The following KIF5A variants were observed in gnomAD, a reference collection of about 807,000 sequenced individuals.
The protein encoded by KIF5A is kinesin heavy chain isoform 5A.
A neutral mutation model predicts 141.3 loss-of-function variants in KIF5A; 35 were observed. That is an observed-to-expected ratio of 0.25 (90% confidence interval 0.19 to 0.33). The LOEUF (loss-of-function observed/expected upper bound fraction) is 0.33, where lower values mean the gene tolerates loss of function less well. Among genes scored for constraint, KIF5A ranks in the 10% least tolerant of loss-of-function variants. KIF5A has a pLI of 1.00. For synonymous variants in KIF5A, 448 were observed against 500.2 expected (o/e 0.90, Z 1.39); for missense variants, 861 against 1,314.3 (o/e 0.66, Z 5.33).
At chr12:57,575,501 A>T in intron 16 of KIF5A, 139 bp from the exon 17 acceptor site, 1 of 893,860 alleles carries the variant, frequency 1.1e-6, no homozygotes, top group Non-Finnish European at 1.9e-6. Context: ...GCCCCATAGG[A>T]ATGGCCCCCA....
chr12:57,574,355 C>T (rs1882355712), intron 15 of KIF5A, among the ~76,000 whole-genome samples: 1 of 150,544 alleles, frequency 6.6e-6, no homozygotes, highest in Non-Finnish European at 1.5e-5. Flanking sequence ...TCACTGCAAC[C>T]TCCGCCTCCC....
In KIF5A at chr12:57,581,485, G is replaced by A. The variant is rs751279947; in HGVS notation, c.2826G>A (p.Glu942=). ...PTNPYGTRSP[E]CISYTNSLFQ... is the part of the protein sequence containing the mutation. ...ACCCCTATGGCACCCGGAGCCCTGA[G>A]TGCATCAGTTACACCAACAGCCTCT... is the stretch of plus-strand genomic sequence containing the variant. Residue 942 remains glutamate (E), a synonymous_variant, in exon 25 of 29, where the codon GAG becomes GAA. Transcript: ENST00000455537. The A allele has an allele frequency of 1.2e-6, 2 of 1,614,084 alleles. No homozygotes were observed. Among genetic ancestry groups the A allele is most frequent in the Non-Finnish European group, 1.7e-6 (2 of 1,180,026 alleles).
At chr12:57,558,677 A>G (rs568142420) in intron 1 of KIF5A, among the ~76,000 whole-genome samples, 119 of 152,382 alleles carry the variant, frequency 7.8e-4, no homozygotes, top group Non-Finnish European at 1.4e-3. Flanking sequence ...CTTGTCTCAA[A>G]AAACAAAAAG....
chr12:57,576,047 G>A, intron 17 of KIF5A, 40 bp from the exon 18 acceptor site: 3 of 1,594,236 alleles, frequency 1.9e-6, no homozygotes, highest in East Asian at 2.2e-5. Flanking sequence ...TTCCGAAAGA[G>A]GTAGGTTTGA....
At chr12:57,568,820 C>G in intron 8 of KIF5A, 143 bp from the exon 9 acceptor site, 1 of 693,786 alleles carries the variant, frequency 1.4e-6, no homozygotes, top group South Asian at 1.5e-5. Context: ...AAGGGCCTTC[C>G]CCAATCCCAG....
chr12:57,555,799 C>T (rs983333703), intron 1 of KIF5A, among the ~76,000 whole-genome samples: 1 of 149,198 alleles, frequency 6.7e-6, no homozygotes, highest in South Asian at 2.1e-4. Context: ...ATCCCAGCTA[C>T]TCGGAAGGCT....
At chr12:57,563,925 T>C (rs997613337) in intron 3 of KIF5A, among the ~76,000 whole-genome samples, 183 bp from the exon 4 acceptor site, 1 of 152,164 alleles carries the variant, frequency 6.6e-6, no homozygotes, top group Non-Finnish European at 1.5e-5. Flanking sequence ...GGAAAAGCAA[T>C]GGAAGTCCAA....
Position 57,572,331 on chromosome 12 carries a change from C to T in KIF5A, c.1569+64C>T. On this transcript the variant is annotated intron_variant, in intron 14 of 28. Coordinates refer to ENST00000455537, the MANE Select transcript of KIF5A (RefSeq NM_004984.4). This position sits in a 1 kb window ranked among gnomAD's most constrained non-coding sequence, Gnocchi z 4.2. Reference sequence around the variant, plus strand: ...CAGAACATCTCCCATGTCGAGGGGACCTCTGCATCCTTCCAGGGCTGTATG... The same window carrying T: ...CAGAACATCTCCCATGTCGAGGGGATCTCTGCATCCTTCCAGGGCTGTATG... The T allele has an allele frequency of 6.7e-7, 1 of 1,492,902 alleles. No homozygotes were observed. The highest frequency in any genetic ancestry group is 9.1e-7 in the Non-Finnish European group (1 of 1,093,746). 92.5% of individuals were successfully genotyped at this position (1,492,902 alleles called of 1,614,324 possible).
chr12:57,575,197 C>G lies in KIF5A; in HGVS notation c.1830C>G (p.Asn610Lys). 1 of 1,613,898 alleles carries G rather than the reference C, an allele frequency of 6.2e-7. No individual in the cohort carries two copies. Among genetic ancestry groups the G allele is most frequent in the Non-Finnish European group, 8.5e-7 (1 of 1,179,936 alleles). Residue 610 changes from asparagine (N) to lysine (K), a missense_variant, in exon 16 of 29, where the codon AAC becomes AAG. By Grantham distance (94) the Asn-to-Lys change is moderately conservative. Coordinates refer to ENST00000455537, the MANE Select transcript of KIF5A (RefSeq NM_004984.4). ...TCAAGCGGTGCCGGCAGCTGGAGAA[C>G]CTCCAGGTGGAGTGTCACCGCAAGA... ...SVVKRCRQLE[N>K]LQVECHRKME...
At chr12:57,559,154 T>C (rs772707735) in intron 1 of KIF5A, among the ~76,000 whole-genome samples, 1 of 152,240 alleles carries the variant, frequency 6.6e-6, no homozygotes, top group Non-Finnish European at 1.5e-5. Context: ...GTTCTAATCA[T>C]CTGCTATTAC....
At chr12:57,583,936 A>G (rs1882682963) in intron 28 of KIF5A, among the ~76,000 whole-genome samples, 1 of 152,198 alleles carries the variant, frequency 6.6e-6, no homozygotes, top group Non-Finnish European at 1.5e-5. Flanking sequence ...ACTGGGCTGC[A>G]TCTAAGCTGA....
At chr12:57,578,448 C>T in intron 23 of KIF5A, 106 bp downstream of exon 23, 1 of 776,540 alleles carries the variant, frequency 1.3e-6, no homozygotes, top group Non-Finnish European at 2.3e-6. Context: ...GCATGTTTTC[C>T]TTACTGTTCG....
intron 16 of KIF5A, 63 bp downstream of exon 16, chr12:57,575,335 T>A: frequency 6.7e-7 from 1 of 1,502,160 alleles, no homozygotes; most frequent in Admixed American, 1.9e-5. Flanking sequence ...TCTGGGGTTA[T>A]GGCTAAAACT....
chr12:57,564,056 GTCTCAT>G, intron 3 of KIF5A, 46 bp from the exon 4 acceptor site: 1 of 1,303,324 alleles, frequency 7.7e-7, no homozygotes, highest in Non-Finnish European at 1.1e-6. Flanking sequence ...CATCTGAGTT[GTCTCAT>G]TCTCCCTGAG....
intron 20 of KIF5A, 77 bp from the exon 21 acceptor site, chr12:57,577,636 A>G (rs1882467798): frequency 9.3e-7 from 1 of 1,080,984 alleles, no homozygotes; most frequent in Non-Finnish European, 1.4e-6. Context: ...AAATGGAGAT[A>G]AAAGTAATAG....
At position 57,565,020 on chromosome 12, in the gene KIF5A, T is replaced by G. The variant is rs1882020318; in HGVS notation, c.501+47T>G. 3 of 1,559,354 alleles carry G rather than the reference T, an allele frequency of 1.9e-6. No homozygotes were observed. In the South Asian group the frequency reaches 3.3e-5, roughly 17 times the overall value. ...CTATGTGGGGCCAGTGTATTGAGAA[T>G]GTTGGTGGGGGAGGAGCATAGGTCA... On this transcript the variant is annotated intron_variant, in intron 6 of 28. Transcript: ENST00000455537.
intron 1 of KIF5A, among the ~76,000 whole-genome samples, chr12:57,551,653 T>C (rs1881576560): frequency 6.6e-6 from 1 of 152,148 alleles, no homozygotes; most frequent in Non-Finnish European, 1.5e-5. Flanking sequence ...GTGCTTCTTA[T>C]GTATCTTTAT....
chr12:57,583,043 T>A, intron 27 of KIF5A, 58 bp from the exon 28 acceptor site: 12 of 1,377,250 alleles, frequency 8.7e-6, no homozygotes, highest in Non-Finnish European at 1.2e-5. Flanking sequence ...AGAGTAACCA[T>A]GATGACAGGA....
intron 23 of KIF5A, 59 bp from the exon 24 acceptor site, chr12:57,580,897 G>C: frequency 6.5e-7 from 1 of 1,539,640 alleles, no homozygotes; most frequent in South Asian, 1.1e-5. Flanking sequence ...GCTCCTCTGG[G>C]TGACCGTCTT....
Sources: allele counts gnomAD v4.1 joint callset (sites outside exome capture counted in the v4.1 genomes callset), GRCh38; gene constraint gnomAD v4.1.1; non-coding constraint Gnocchi (gnomAD v3.1); transcripts MANE v1.5; gene names NCBI Gene and HGNC (gene_info 2026-07-23, HGNC 2026-07-21).